KCNT2: variants seen among roughly 807,000 people sequenced by gnomAD.
KCNT2 encodes potassium sodium-activated channel subfamily T member 2.
A neutral mutation model predicts 153.8 loss-of-function variants in KCNT2; 67 were observed. That is an observed-to-expected ratio of 0.44 (90% CI 0.36 to 0.53). The LOEUF is 0.53. KCNT2 is among the 20% of genes least tolerant of loss of function. KCNT2 has a pLI of 0.00. For missense variants in KCNT2, 975 were observed against 1,354.8 expected, an observed-to-expected ratio of 0.72 and a Z score of 4.40; for synonymous variants, 500 against 458.8, an observed-to-expected ratio of 1.09 and a Z score of -1.15.
chr1:196,234,392 G>C (rs1310500216), intron 27 of KCNT2, among the ~76,000 whole-genome samples: 2 of 150,782 alleles, frequency 1.3e-5, no homozygotes, highest in Non-Finnish European at 3.0e-5. Flanking sequence ...CTAAAGCTGT[G>C]TTAAACTTCT....
intron 3 of KCNT2, among the ~76,000 whole-genome samples, chr1:196,486,010 C>T (rs1679391120): frequency 1.3e-5 from 2 of 151,776 alleles, no homozygotes; most frequent in Non-Finnish European, 2.9e-5. Context: ...TGGAATCTAC[C>T]TGAATACCTA....
chr1:196,462,290 A>G, intron 8 of KCNT2, among the ~76,000 whole-genome samples: 1 of 151,666 alleles, frequency 6.6e-6, no homozygotes, highest in Non-Finnish European at 1.5e-5. Flanking sequence ...AACTGGAGCC[A>G]TGGGCATGTC....
chr1:196,492,467 A>ATCC (rs1488808755), intron 1 of KCNT2, 126 bp from the exon 2 acceptor site: 2 of 795,916 alleles, frequency 2.5e-6, no homozygotes, highest in Non-Finnish European at 3.4e-6. Flanking sequence ...TTTGAAATAA[A>ATCC]TTATTTGATT....
chr1:196,340,355 A>T lies in KCNT2; in HGVS notation c.1769T>A (p.Ile590Lys). 1 of 1,585,260 alleles carries T rather than the reference A, an allele frequency of 6.3e-7. No homozygotes were observed. The highest frequency in any genetic ancestry group is 8.6e-7 in the Non-Finnish European group (1 of 1,164,882). Residue 590 changes from isoleucine to lysine, a missense_variant, in exon 16 of 28, where the codon ATA becomes AAA. By Grantham distance (102) the Ile-to-Lys change is moderately radical. Coordinates refer to ENST00000294725, the MANE Select transcript of KCNT2 (RefSeq NM_198503.5). ...TTTATACTTACCCATGCTGGCAATT[A>T]TGCTATGTACAGGTAATCTGGAAGG... ...HGPSRLPVHS[I>K]IASMGTVAID...
At chr1:196,513,568 A>T (rs1681811624) in intron 1 of KCNT2, among the ~76,000 whole-genome samples, 1 of 152,210 alleles carries the variant, frequency 6.6e-6, no homozygotes, top group Admixed American at 6.5e-5. Flanking sequence ...TGGACTTTTA[A>T]GAAAAAAATG....
chr1:196,555,911 C>G (rs1014644067), intron 1 of KCNT2, among the ~76,000 whole-genome samples: 1 of 151,364 alleles, frequency 6.6e-6, no homozygotes, highest in African/African-American at 2.4e-5. Context: ...AAAGGACAGT[C>G]TCTTCTATAA....
chr1:196,337,638 T>C (rs1659459055), intron 16 of KCNT2, among the ~76,000 whole-genome samples: 1 of 152,086 alleles, frequency 6.6e-6, no homozygotes, highest in Non-Finnish European at 1.5e-5. Flanking sequence ...GCTCCCACTT[T>C]AGGGCCTTTG....
At chr1:196,289,129 AT>A (rs1210888058) in intron 22 of KCNT2, among the ~76,000 whole-genome samples, 2 of 152,058 alleles carry the variant, frequency 1.3e-5, no homozygotes, top group Non-Finnish European at 2.9e-5. Flanking sequence ...GCTAAATTAT[AT>A]ATTACCTCAA....
chr1:196,572,840 T>C (rs978504074), intron 1 of KCNT2, among the ~76,000 whole-genome samples: 1 of 151,080 alleles, frequency 6.6e-6, no homozygotes, highest in Non-Finnish European at 1.5e-5. Flanking sequence ...ATGTCTAACA[T>C]ATAATTTCCA....
chr1:196,490,729 A>G (rs1213675052), intron 2 of KCNT2, among the ~76,000 whole-genome samples: 1 of 151,856 alleles, frequency 6.6e-6, no homozygotes, highest in African/African-American at 2.4e-5. Flanking sequence ...ATATTCAATG[A>G]TGATGAAGAG....
intron 23 of KCNT2, among the ~76,000 whole-genome samples, chr1:196,282,699 A>T (rs1174854974): frequency 1.3e-5 from 2 of 152,212 alleles, no homozygotes; most frequent in Non-Finnish European, 2.9e-5. Context: ...AACTTGAAAC[A>T]ATTAAAACAA....
intron 12 of KCNT2, among the ~76,000 whole-genome samples, chr1:196,400,327 TTTTTA>T (rs1671303413): frequency 6.6e-6 from 1 of 151,802 alleles, no homozygotes; most frequent in African/African-American, 2.4e-5. Context: ...CAAGTTATAA[TTTTTA>T]TTTTATTTTA....
At chr1:196,554,822 GT>G (rs1241328657) in intron 1 of KCNT2, among the ~76,000 whole-genome samples, 1 of 151,186 alleles carries the variant, frequency 6.6e-6, no homozygotes, top group African/African-American at 2.4e-5. Flanking sequence ...GGGATGAAAA[GT>G]TGGGTCAACA....
In KCNT2 at chr1:196,365,207, T is replaced by A. The variant is rs186141144; in HGVS notation, c.1403+7933A>T. On this transcript the variant is annotated intron_variant, in intron 14 of 27. Coordinates refer to ENST00000294725, the MANE Select transcript of KCNT2 (RefSeq NM_198503.5). ...TATACTAATAGAAGTTAACAATTAT[T>A]TTCTCTGATACCTATATTTTAATCT... is the stretch of plus-strand genomic sequence containing the variant. 3.9e-5 allele frequency among the ~76,000 whole-genome samples: 6 copies of A among 152,240 alleles called. No homozygotes were observed. The East Asian group carries it at 1.2e-3, about 29-fold the overall frequency.
intron 1 of KCNT2, among the ~76,000 whole-genome samples, chr1:196,499,074 G>C (rs1680473178): frequency 6.6e-6 from 1 of 152,270 alleles, no homozygotes; most frequent in East Asian, 1.9e-4. Flanking sequence ...CACATATGCA[G>C]AAGGAAGATG....
chr1:196,340,981 G>A (rs866798739), intron 15 of KCNT2, among the ~76,000 whole-genome samples: 1 of 151,456 alleles, frequency 6.6e-6, no homozygotes, highest in Admixed American at 6.6e-5. Context: ...AGAGAACCAG[G>A]GTCCCTGAAT....
At chr1:196,539,926 C>G (rs1441178586) in intron 1 of KCNT2, among the ~76,000 whole-genome samples, 1 of 151,688 alleles carries the variant, frequency 6.6e-6, no homozygotes, top group Non-Finnish European at 1.5e-5. Flanking sequence ...ACTTTAACAA[C>G]TCTGTTCAAA....
chr1:196,424,577 A>T lies in KCNT2; in HGVS notation c.1121+1275T>A, dbSNP rs375091161. Among the ~76,000 whole-genome samples, 8 of 152,046 alleles carry T rather than the reference A, an allele frequency of 5.3e-5. No individual in the cohort carries two copies. The East Asian group carries it at 9.7e-4, about 18-fold the overall frequency. ...CACATGTACAATGACCACAAATATA[A>T]AGTATTTAATCCACCAAAAAGATGA... is the stretch of plus-strand genomic sequence containing the variant. On this transcript the variant is annotated intron_variant, in intron 11 of 27. Transcript: ENST00000294725.
intron 1 of KCNT2, among the ~76,000 whole-genome samples, chr1:196,605,778 T>A (rs1466448694): frequency 6.6e-6 from 1 of 151,720 alleles, no homozygotes; most frequent in Non-Finnish European, 1.5e-5. Context: ...AGCTTAGGAG[T>A]CTGAAAAGGG....
Sources: gnomAD v4.1 joint callset for allele counts (sites outside exome capture counted in the v4.1 genomes callset) on GRCh38, gnomAD v4.1.1 for gene constraint, MANE v1.5 for transcripts, NCBI Gene and HGNC (gene_info 2026-07-23, HGNC 2026-07-21) for gene names.